Variants in NAALADL2 observed in about 807,000 individuals in gnomAD.
NAALADL2 encodes inactive N-acetylated-alpha-linked acidic dipeptidase-like protein 2.
A neutral mutation model predicts 87.2 loss-of-function variants in NAALADL2; 76 were observed. The observed-to-expected ratio is 0.87, with a 90% CI of 0.72 to 1.05. NAALADL2 has a LOEUF of 1.05. Ranked by LOEUF, NAALADL2 falls within the 50% of genes least tolerant of loss-of-function variation. NAALADL2 has a pLI of 0.00. For synonymous variants in NAALADL2, 354 were observed against 331.0 expected (o/e 1.07, Z -0.75); for missense variants, 1,089 against 945.8 (o/e 1.15, Z -1.99).
At chr3:175,768,398 A>G (rs1749028816) in intron 13 of NAALADL2, among the ~76,000 whole-genome samples, 1 of 152,126 alleles carries the variant, frequency 6.6e-6, no homozygotes, top group African/African-American at 2.4e-5. Flanking sequence ...ATCCAGGTAG[A>G]TGTTTTCCCC....
chr3:175,194,871 C>T (rs1738743016), intron 2 of NAALADL2, among the ~76,000 whole-genome samples: 1 of 151,508 alleles, frequency 6.6e-6, no homozygotes, highest in Admixed American at 6.6e-5. Flanking sequence ...TGAAGTTTTT[C>T]CCCAAGAAAA....
chr3:174,456,715 A>G (rs922049241), intron 1 of NAALADL2, among the ~76,000 whole-genome samples: 15 of 152,276 alleles, frequency 9.9e-5, no homozygotes, highest in Admixed American at 9.2e-4. Flanking sequence ...AAAAAAAATC[A>G]ACTCAAGATG....
intron 1 of NAALADL2, among the ~76,000 whole-genome samples, chr3:174,894,998 A>G (rs538433384): frequency 2.0e-5 from 3 of 152,276 alleles, no homozygotes; most frequent in South Asian, 4.2e-4. Context: ...TGAAAATACA[A>G]CATACCAAAA....
chr3:174,675,357 C>T (rs1261900475), intron 2 of NAALADL2, among the ~76,000 whole-genome samples: 1 of 151,916 alleles, frequency 6.6e-6, no homozygotes, highest in Non-Finnish European at 1.5e-5. Context: ...TCTGCTTTAT[C>T]CTATGAAACA....
chr3:174,791,253 T>C (rs1033117189), intron 3 of NAALADL2, among the ~76,000 whole-genome samples: 24 of 152,204 alleles, frequency 1.6e-4, no homozygotes, highest in Non-Finnish European at 1.5e-5. Flanking sequence ...CCTCTCTGGG[T>C]ATTCTCCTGT....
At chr3:175,279,915 TTTAGAAGCAAAAA>T (rs1690937866) in intron 4 of NAALADL2, among the ~76,000 whole-genome samples, 1 of 151,920 alleles carries the variant, frequency 6.6e-6, no homozygotes, top group African/African-American at 2.4e-5. Flanking sequence ...TCCCTAGAAT[TTTAGAAGCAAAAA>T]TGCCATGCAA....
intron 1 of NAALADL2, among the ~76,000 whole-genome samples, chr3:175,068,862 A>C (rs1248556239): frequency 1.3e-5 from 2 of 152,090 alleles, no homozygotes; most frequent in Non-Finnish European, 2.9e-5. Flanking sequence ...GGAAAACTCA[A>C]TTGGGAGCAT....
chr3:174,640,632 G>T (rs1723081215), intron 2 of NAALADL2, among the ~76,000 whole-genome samples: 1 of 152,322 alleles, frequency 6.6e-6, no homozygotes, highest in African/African-American at 2.4e-5. Context: ...CCCTCAGGAA[G>T]GCTTGGATAG....
chr3:174,509,607 T>TTGA (rs1719465974), intron 1 of NAALADL2, among the ~76,000 whole-genome samples: 1 of 132,616 alleles, frequency 7.5e-6, no homozygotes, highest in Non-Finnish European at 1.6e-5. Flanking sequence ...TTTGTATTTT[T>TTGA]AGTAGAGACG....
intron 3 of NAALADL2, among the ~76,000 whole-genome samples, chr3:174,852,281 C>T (rs1456363834): frequency 1.3e-5 from 2 of 151,972 alleles, no homozygotes; most frequent in Non-Finnish European, 2.9e-5. Flanking sequence ...TAAAAATATC[C>T]TTCCTTGCAG....
intron 3 of NAALADL2, among the ~76,000 whole-genome samples, chr3:174,767,006 T>C (rs1189214086): frequency 6.6e-6 from 1 of 152,204 alleles, no homozygotes; most frequent in Non-Finnish European, 1.5e-5. Flanking sequence ...CCTAGAATTG[T>C]GTCATGGACA....
intron 2 of NAALADL2, among the ~76,000 whole-genome samples, chr3:175,162,475 A>T (rs1214677875): frequency 6.6e-6 from 1 of 152,158 alleles, no homozygotes; most frequent in East Asian, 1.9e-4. Flanking sequence ...ATCATTTGCC[A>T]TGTTTATGAA....
chr3:174,934,904 C>T (rs957903897), intron 1 of NAALADL2, among the ~76,000 whole-genome samples: 1 of 151,094 alleles, frequency 6.6e-6, no homozygotes, highest in Non-Finnish European at 1.5e-5. Flanking sequence ...GGTGGAGCAC[C>T]GAGAGGGTTT....
intron 3 of NAALADL2, among the ~76,000 whole-genome samples, chr3:174,807,267 G>C (rs2140283): frequency 0.46 from 69,847 of 151,592 alleles, 16,303 homozygotes; most frequent in African/African-American, 0.52. Context: ...GCTTCTGCTT[G>C]TAGTTAACAA....
At chr3:175,096,745 A>T (rs1339956273) in intron 1 of NAALADL2, 45 bp from the exon 2 acceptor site, 1 of 1,275,154 alleles carries the variant, frequency 7.8e-7, no homozygotes, top group Admixed American at 3.1e-5. Flanking sequence ...AGTTTTTTTA[A>T]TTGTGTGTTT....
intron 2 of NAALADL2, among the ~76,000 whole-genome samples, chr3:174,726,237 T>C (rs895339799): frequency 6.6e-6 from 1 of 152,102 alleles, no homozygotes; most frequent in African/African-American, 2.4e-5. Flanking sequence ...GTGGAAAAGT[T>C]AATAAAAGCG....
At chr3:174,691,202 A>G (rs1728542482) in intron 2 of NAALADL2, among the ~76,000 whole-genome samples, 1 of 152,174 alleles carries the variant, frequency 6.6e-6, no homozygotes, top group Non-Finnish European at 1.5e-5. Flanking sequence ...ACCAGAGGTC[A>G]GGAGTTCGAG....
chr3:175,206,354 A>G (rs1740918084), intron 2 of NAALADL2, among the ~76,000 whole-genome samples: 1 of 148,822 alleles, frequency 6.7e-6, no homozygotes, highest in Non-Finnish European at 1.5e-5. Flanking sequence ...TGTATATGTT[A>G]TATATACACG....
chr3:174,693,910 T>G (rs1728804541), intron 2 of NAALADL2, among the ~76,000 whole-genome samples: 1 of 152,102 alleles, frequency 6.6e-6, no homozygotes, highest in African/African-American at 2.4e-5. Flanking sequence ...AGGAAGTTCA[T>G]TATAAGGATC....
Sources: gnomAD v4.1 joint callset for allele counts (sites outside exome capture counted in the v4.1 genomes callset) on GRCh38, gnomAD v4.1.1 for gene constraint, MANE v1.5 for transcripts, NCBI Gene and HGNC (gene_info 2026-07-23, HGNC 2026-07-21) for gene names.